EYA4: variants seen among roughly 807,000 people sequenced by gnomAD.
EYA4 encodes the protein EYA transcriptional coactivator and phosphatase 4, also known as protein phosphatase EYA4.
A neutral mutation model predicts 87.9 loss-of-function variants in EYA4; 31 were observed. The observed-to-expected ratio is 0.35, with a 90% CI of 0.27 to 0.48. The LOEUF (loss-of-function observed/expected upper bound fraction) is 0.48, where lower values mean the gene tolerates loss of function less well. EYA4 is among the 20% of genes least tolerant of loss of function. The probability of loss-of-function intolerance (pLI) is 0.99; values close to 1 mark genes in which losing one functional copy is unlikely to be tolerated. For missense variants in EYA4, 678 were observed against 761.4 expected (o/e 0.89, Z 1.29); for synonymous variants, 263 against 270.6 (o/e 0.97, Z 0.28).
chr6:133,381,774 C>G (rs777328631), intron 2 of EYA4, among the ~76,000 whole-genome samples: 2 of 152,036 alleles, frequency 1.3e-5, no homozygotes, highest in Non-Finnish European at 2.9e-5. Context: ...TACTTTTGTC[C>G]AGAAATAGAT....
intron 5 of EYA4, among the ~76,000 whole-genome samples, chr6:133,455,881 AT>A (rs939266637): frequency 1.1e-4 from 17 of 152,166 alleles, no homozygotes; most frequent in Non-Finnish European, 2.5e-4. Flanking sequence ...CCAAGCAAAG[AT>A]TTTGCCAAAA....
At chr6:133,419,740 A>G (rs1008894353) in intron 3 of EYA4, among the ~76,000 whole-genome samples, 2 of 152,166 alleles carry the variant, frequency 1.3e-5, no homozygotes, top group Admixed American at 1.3e-4. Context: ...AAACAGTGCA[A>G]CACAATGCAA....
intron 2 of EYA4, among the ~76,000 whole-genome samples, chr6:133,342,340 A>C (rs529673924): frequency 6.9e-5 from 10 of 144,888 alleles, no homozygotes; most frequent in South Asian, 6.8e-4. Context: ...AGGGTCCAGT[A>C]CCCAGAAGGG....
chr6:133,420,591 C>T (rs1562399904), intron 3 of EYA4, among the ~76,000 whole-genome samples: 1 of 152,194 alleles, frequency 6.6e-6, no homozygotes. Flanking sequence ...TAAAGTAAGA[C>T]TCTGACAGCA....
intron 2 of EYA4, among the ~76,000 whole-genome samples, chr6:133,337,117 G>T (rs549720645): frequency 7.2e-4 from 110 of 152,310 alleles, no homozygotes; most frequent in African/African-American, 2.6e-3. Flanking sequence ...TGTGTGGTCT[G>T]AGTCTCAGTT....
intron 6 of EYA4, among the ~76,000 whole-genome samples, chr6:133,458,988 C>G (rs1244868643): frequency 6.6e-6 from 1 of 152,036 alleles, no homozygotes; most frequent in Non-Finnish European, 1.5e-5. Context: ...GAAATTCTTT[C>G]AAGTTTGTAC....
At chr6:133,327,580 T>G (rs2128373580) in intron 2 of EYA4, among the ~76,000 whole-genome samples, 1 of 152,314 alleles carries the variant, frequency 6.6e-6, no homozygotes, top group Admixed American at 6.5e-5. Flanking sequence ...TAATGCTAAC[T>G]GGATTGTTTT....
intron 2 of EYA4, among the ~76,000 whole-genome samples, chr6:133,352,652 T>G (rs1443897137): frequency 6.6e-6 from 1 of 152,114 alleles, no homozygotes; most frequent in Non-Finnish European, 1.5e-5. Flanking sequence ...TAAATACAAG[T>G]TAGAAAGCAT....
At chr6:133,407,975 C>G (rs1201360274) in intron 3 of EYA4, among the ~76,000 whole-genome samples, 5 of 152,146 alleles carry the variant, frequency 3.3e-5, no homozygotes, top group African/African-American at 1.2e-4. Context: ...GGAAACCTGA[C>G]TTACATTAAG....
intron 2 of EYA4, among the ~76,000 whole-genome samples, chr6:133,294,017 GTGATT>G (rs1778711275): frequency 1.6e-5 from 1 of 61,812 alleles, no homozygotes; most frequent in African/African-American, 7.1e-5. Context: ...GCTCCCTAGG[GTGATT>G]TTATATATAT....
intron 3 of EYA4, among the ~76,000 whole-genome samples, chr6:133,445,924 A>G (rs1266463704): frequency 1.3e-5 from 2 of 152,064 alleles, no homozygotes; most frequent in African/African-American, 2.4e-5. Context: ...AAGAATCCCA[A>G]TTTTATTTTA....
chr6:133,331,855 G>A (rs571876234), intron 2 of EYA4, among the ~76,000 whole-genome samples: 8 of 152,246 alleles, frequency 5.3e-5, no homozygotes, highest in African/African-American at 1.7e-4. Context: ...CAAAAATGTC[G>A]CCTTTTAGAG....
intron 3 of EYA4, among the ~76,000 whole-genome samples, chr6:133,422,816 C>T (rs1790330934): frequency 6.6e-6 from 1 of 152,314 alleles, no homozygotes; most frequent in Non-Finnish European, 1.5e-5. Flanking sequence ...TTAGTTCCCT[C>T]AACCCAGAAT....
chr6:133,242,953 G>C (rs1017243034), intron 1 of EYA4, among the ~76,000 whole-genome samples: 1 of 152,152 alleles, frequency 6.6e-6, no homozygotes, highest in African/African-American at 2.4e-5. Context: ...TCCCGAGCGG[G>C]CCTAGAGAGT....
rs1315108077 is a variant in EYA4 at position 133,531,315 on chromosome 6, C to T, written c.*2510C>T. 8.6e-6 allele frequency: 8 copies of T among 932,010 alleles called. No individual in the cohort carries two copies. The highest frequency in any genetic ancestry group is 1.6e-5 in the African/African-American group (1 of 61,282). 57.7% of individuals were successfully genotyped at this position (932,010 alleles called of 1,614,324 possible). A position where few individuals can be genotyped will look rare whatever the true frequency, so the allele number is the denominator to read the frequency against. On this transcript the variant is annotated 3_prime_UTR_variant, in exon 20 of 20. Coordinates refer to ENST00000355286, the MANE Select transcript of EYA4 (RefSeq NM_004100.5). ...CCAGCATCACAGCTTGGCCATGGGA[C>T]GTTGAGTATGCACAAACTAGAACTC...
chr6:133,294,023 T>TTATTTATATATA (rs1778717967), intron 2 of EYA4, among the ~76,000 whole-genome samples: 1 of 78,780 alleles, frequency 1.3e-5, no homozygotes, highest in African/African-American at 5.2e-5. Context: ...TAGGGTGATT[T>TTATTTATATATA]TATATATATA....
chr6:133,521,319 C>T (rs1392353470), intron 17 of EYA4, among the ~76,000 whole-genome samples: 1 of 149,818 alleles, frequency 6.7e-6, no homozygotes, highest in African/African-American at 2.5e-5. Flanking sequence ...TGAACAGACA[C>T]TTCTCTAAAG....
chr6:133,480,203 C>T (rs966818102), intron 11 of EYA4, among the ~76,000 whole-genome samples: 3 of 152,062 alleles, frequency 2.0e-5, no homozygotes, highest in Non-Finnish European at 2.9e-5. Context: ...ATGGACTGAT[C>T]GGAGTGATTC....
At chr6:133,268,972 C>G (rs907813065) in intron 1 of EYA4, among the ~76,000 whole-genome samples, 12 of 152,062 alleles carry the variant, frequency 7.9e-5, no homozygotes, top group Non-Finnish European at 1.6e-4. Context: ...CAAATGTGTA[C>G]TGCTGGCTGG....
Sources: gnomAD v4.1 joint callset for allele counts (sites outside exome capture counted in the v4.1 genomes callset) on GRCh38, gnomAD v4.1.1 for gene constraint, MANE v1.5 for transcripts, NCBI Gene and HGNC (gene_info 2026-07-23, HGNC 2026-07-21) for gene names.